Variants in NARS2 observed in about 807,000 individuals in gnomAD.
The protein encoded by NARS2 is asparaginyl-tRNA synthetase.
NARS2 carries 60 observed loss-of-function variants against 62.9 expected under a neutral mutation model. The ratio of observed to expected loss-of-function variants is 0.95; its 90% CI spans 0.77 to 1.18. The LOEUF is 1.18. Ranked by LOEUF, NARS2 falls within the 50% of genes most tolerant of loss-of-function variation. The pLI is 0.00. For missense variants in NARS2, 619 were observed against 576.4 expected, an observed-to-expected ratio of 1.07 and a Z score of -0.76; for synonymous variants, 196 against 200.0, an observed-to-expected ratio of 0.98 and a Z score of 0.17.
intron 6 of NARS2, among the ~76,000 whole-genome samples, chr11:78,524,909 C>A (rs1861242736): frequency 1.3e-5 from 2 of 152,084 alleles, no homozygotes; most frequent in Non-Finnish European, 2.9e-5. Context: ...TGTCTTTCAA[C>A]AGGTGAACTG....
At chr11:78,471,160 T>C (rs1858855809) in intron 9 of NARS2, among the ~76,000 whole-genome samples, 1 of 152,202 alleles carries the variant, frequency 6.6e-6, no homozygotes, top group Non-Finnish European at 1.5e-5. Context: ...GGCAGTGGTG[T>C]TGGTAGTAGC....
intron 7 of NARS2, among the ~76,000 whole-genome samples, chr11:78,485,453 C>T (rs139552151): frequency 0.013 from 1,975 of 152,090 alleles, 30 homozygotes; most frequent in Non-Finnish European, 0.018. Context: ...CCTAAGGACT[C>T]AGAAAAATAA....
chr11:78,529,161 C>T (rs906718822), intron 5 of NARS2, among the ~76,000 whole-genome samples: 3 of 152,052 alleles, frequency 2.0e-5, no homozygotes, highest in African/African-American at 7.2e-5. Context: ...CATACAATAA[C>T]CAAAGGACCA....
chr11:78,466,591 C>T (rs1858633470), intron 10 of NARS2, among the ~76,000 whole-genome samples: 2 of 152,124 alleles, frequency 1.3e-5, no homozygotes, highest in South Asian at 2.1e-4. Flanking sequence ...AGTGATTCTC[C>T]TGCCTCAGCC....
chr11:78,510,079 G>A (rs912216231), intron 6 of NARS2, among the ~76,000 whole-genome samples: 4 of 152,164 alleles, frequency 2.6e-5, no homozygotes, highest in African/African-American at 9.6e-5. Context: ...GGACAAAAAA[G>A]CTATAAAGTA....
intron 3 of NARS2, among the ~76,000 whole-genome samples, chr11:78,568,429 T>G (rs1051705288): frequency 6.6e-6 from 1 of 152,182 alleles, no homozygotes; most frequent in Non-Finnish European, 1.5e-5. Flanking sequence ...ACCACAGAGA[T>G]GCAAAAATCA....
intron 6 of NARS2, among the ~76,000 whole-genome samples, chr11:78,520,812 T>C (rs1398236040): frequency 6.6e-6 from 1 of 151,970 alleles, no homozygotes; most frequent in East Asian, 1.9e-4. Context: ...TCCCAACACT[T>C]TGGGAGGCCG....
intron 11 of NARS2, among the ~76,000 whole-genome samples, chr11:78,461,313 T>C (rs768320259): frequency 6.6e-6 from 1 of 151,666 alleles, no homozygotes; most frequent in Non-Finnish European, 1.5e-5. Context: ...TAGATAGAAA[T>C]GGATAAATCT....
intron 4 of NARS2, among the ~76,000 whole-genome samples, chr11:78,563,126 G>C (rs1856608902): frequency 6.6e-6 from 1 of 151,538 alleles, no homozygotes; most frequent in Non-Finnish European, 1.5e-5. Flanking sequence ...CAAATACTAA[G>C]TGAATTTATT....
intron 11 of NARS2, among the ~76,000 whole-genome samples, chr11:78,459,597 G>A (rs973450827): frequency 4.6e-5 from 7 of 152,080 alleles, no homozygotes; most frequent in African/African-American, 1.4e-4. Flanking sequence ...AGGTGTTTCC[G>A]CTTTCACTTC....
intron 6 of NARS2, among the ~76,000 whole-genome samples, chr11:78,496,970 C>G (rs1029641991): frequency 1.3e-5 from 2 of 152,030 alleles, no homozygotes; most frequent in African/African-American, 4.8e-5. Flanking sequence ...ACTGAACCAA[C>G]CAACATTTAA....
At chr11:78,531,137 A>G (rs1195164903) in intron 5 of NARS2, among the ~76,000 whole-genome samples, 3 of 152,200 alleles carry the variant, frequency 2.0e-5, no homozygotes, top group African/African-American at 7.2e-5. Flanking sequence ...ATAAAAGAAA[A>G]AAAATGAACA....
chr11:78,474,074 T>C (rs1858985500), intron 9 of NARS2, among the ~76,000 whole-genome samples: 1 of 152,236 alleles, frequency 6.6e-6, no homozygotes, highest in Admixed American at 6.5e-5. Context: ...TCTCCTACTT[T>C]CTAGTGAATT....
chr11:78,457,135 T>A (rs753050359), intron 11 of NARS2, among the ~76,000 whole-genome samples: 2 of 152,250 alleles, frequency 1.3e-5, no homozygotes, highest in Non-Finnish European at 2.9e-5. Flanking sequence ...CCACTCTGCA[T>A]CCTGTGTACT....
chr11:78,571,666 A>G, intron 1 of NARS2: 1 of 430,734 alleles, frequency 2.3e-6, no homozygotes, highest in Non-Finnish European at 4.2e-6. Context: ...AATGCACAAC[A>G]TTTCGAATGG....
chr11:78,537,633 T>A (rs1414945351), intron 5 of NARS2, among the ~76,000 whole-genome samples: 3 of 152,130 alleles, frequency 2.0e-5, no homozygotes, highest in Admixed American at 2.0e-4. Context: ...GGTCCATGTC[T>A]AAAAATGCAA....
rs148374328 is a variant in NARS2 at position 78,480,465 on chromosome 11, G to T, written c.823-1782C>A. 3.9e-3 allele frequency among the ~76,000 whole-genome samples: 594 copies of T among 152,118 alleles called. 1 individual carries two copies. Among genetic ancestry groups the T allele is most frequent in the African/African-American group, 0.012 (516 of 41,494 alleles). On this transcript the variant is annotated intron_variant, in intron 7 of 13. Coordinates refer to ENST00000281038, the MANE Select transcript of NARS2 (RefSeq NM_024678.6). ...AGATGGGGTTTCACCATGTTGGCCA[G>T]GCTGGTCTTGAACTCTTGACCTCAG...
In NARS2 at chr11:78,469,159, T is replaced by C. The variant is rs997377859; in HGVS notation, c.1026+88A>G. 8 of 884,734 alleles carry C rather than the reference T, an allele frequency of 9.0e-6. No individual in the cohort carries two copies. The East Asian group carries it at 2.0e-4, about 22-fold the overall frequency. The allele number at this position is 884,734 out of a possible 1,614,324, so 54.8% of individuals were successfully genotyped here. A position where few individuals can be genotyped will look rare whatever the true frequency, so the allele number is the denominator to read the frequency against. On this transcript the variant is annotated intron_variant, in intron 10 of 13. Transcript: ENST00000281038. Reference sequence around the variant, plus strand: ...TATTTTGCTAATAAGAGAATTAAGATGATTTTGAAAGATTCTTAACACAGT... The same window carrying C: ...TATTTTGCTAATAAGAGAATTAAGACGATTTTGAAAGATTCTTAACACAGT...
At chr11:78,475,468 G>GACA (rs898832755) in intron 9 of NARS2, among the ~76,000 whole-genome samples, 12 of 151,444 alleles carry the variant, frequency 7.9e-5, no homozygotes, top group Admixed American at 2.0e-4. Context: ...TTGGTTTTTT[G>GACA]AGAAACCTCC....
Sources: allele counts gnomAD v4.1 joint callset (sites outside exome capture counted in the v4.1 genomes callset), GRCh38; gene constraint gnomAD v4.1.1; transcripts MANE v1.5; gene names NCBI Gene and HGNC (gene_info 2026-07-23, HGNC 2026-07-21).